Variants in GNAQ observed in about 807,000 individuals in gnomAD.
GNAQ encodes guanine nucleotide-binding protein G(q) subunit alpha.
In GNAQ, 8 loss-of-function variants were observed where a neutral mutation model predicts 43.9. The observed-to-expected ratio is 0.18, with a 90% confidence interval of 0.11 to 0.33. The LOEUF (loss-of-function observed/expected upper bound fraction) is 0.33, where lower values mean the gene tolerates loss of function less well. GNAQ is among the 10% of genes least tolerant of loss of function. GNAQ has a pLI of 1.00. For missense variants in GNAQ, 158 were observed against 450.8 expected (o/e 0.35, Z 5.88); for synonymous variants, 155 against 170.7 (o/e 0.91, Z 0.71).
intron 3 of GNAQ, among the ~76,000 whole-genome samples, chr9:77,800,779 G>A (rs973605297): frequency 1.3e-5 from 2 of 152,112 alleles, no homozygotes; most frequent in South Asian, 4.2e-4. Flanking sequence ...ACAAAAATCA[G>A]ATAGCTACTC....
In GNAQ at chr9:77,717,132, A is replaced by C; in HGVS notation, c.*4191T>G. On this transcript the variant is annotated 3_prime_UTR_variant, in exon 7 of 7. Coordinates refer to ENST00000286548, the MANE Select transcript of GNAQ (RefSeq NM_002072.5). ...ACCAGGACAGATCTATTAACGCTAC[A>C]TATGCTGGAAATATGTAGAGATAGA... 8.6e-6 allele frequency: 2 copies of C among 232,436 alleles called. No individual in the cohort carries two copies. The highest frequency in any genetic ancestry group is 1.7e-5 in the Non-Finnish European group (2 of 117,564). 14.4% of individuals were successfully genotyped at this position (232,436 alleles called of 1,614,324 possible).
At chr9:77,814,438 T>C (rs1331318737) in intron 3 of GNAQ, among the ~76,000 whole-genome samples, 2 of 152,144 alleles carry the variant, frequency 1.3e-5, no homozygotes, top group Non-Finnish European at 2.9e-5. Flanking sequence ...CTAGTTAAAA[T>C]ATTAAATACT....
chr9:77,946,045 T>C (rs1822889845), intron 1 of GNAQ, among the ~76,000 whole-genome samples: 1 of 152,164 alleles, frequency 6.6e-6, no homozygotes, highest in South Asian at 2.1e-4. Context: ...TAATCATTCC[T>C]GGAATAGTTC....
At chr9:77,785,692 A>G (rs775424060) in intron 5 of GNAQ, among the ~76,000 whole-genome samples, 3 of 152,252 alleles carry the variant, frequency 2.0e-5, no homozygotes, top group Non-Finnish European at 2.9e-5. Flanking sequence ...AGTATCTGAC[A>G]GTTCCTGTCA....
chr9:77,790,558 T>C (rs1041040267), intron 5 of GNAQ, among the ~76,000 whole-genome samples: 2 of 152,226 alleles, frequency 1.3e-5, no homozygotes, highest in African/African-American at 4.8e-5. Context: ...TGGTAAAGGA[T>C]CTCTGGCTGG....
chr9:77,868,774 A>G lies in GNAQ; in HGVS notation c.322-53004T>C, dbSNP rs1827989301. 2.0e-5 allele frequency among the ~76,000 whole-genome samples: 3 copies of G among 152,182 alleles called. 1 individual carries two copies. In the South Asian group the frequency reaches 6.2e-4, roughly 31 times the overall value. On this transcript the variant is annotated intron_variant, in intron 2 of 6. Transcript: ENST00000286548. ...CGGGCCACTGCACTCCAGCCTGGTG[A>G]CAGAGCGAGACTCCATCTCAAAACA...
At chr9:77,932,427 G>A (rs1037925015) in intron 1 of GNAQ, among the ~76,000 whole-genome samples, 12 of 152,188 alleles carry the variant, frequency 7.9e-5, no homozygotes, top group South Asian at 4.1e-4. Context: ...AGTGCTATGC[G>A]CTAAAGAATT....
At chr9:77,912,463 A>C (rs1428214406) in intron 2 of GNAQ, among the ~76,000 whole-genome samples, 1 of 152,236 alleles carries the variant, frequency 6.6e-6, no homozygotes, top group East Asian at 1.9e-4. Flanking sequence ...AAGAAAATCC[A>C]GCAAATTATC....
At chr9:77,762,142 C>T (rs1317229097) in intron 5 of GNAQ, among the ~76,000 whole-genome samples, 4 of 136,496 alleles carry the variant, frequency 2.9e-5, no homozygotes, top group Non-Finnish European at 3.2e-5. Flanking sequence ...GCCCCCTGCC[C>T]GGCCAGCCGC....
At chr9:77,931,594 CAA>C (rs933238882) in intron 1 of GNAQ, among the ~76,000 whole-genome samples, 2 of 129,774 alleles carry the variant, frequency 1.5e-5, no homozygotes, top group Non-Finnish European at 1.7e-5. Flanking sequence ...GACTCTGTCT[CAA>C]AAAAAAAAAA....
chr9:77,852,406 T>C (rs2117931241), intron 2 of GNAQ, among the ~76,000 whole-genome samples: 1 of 152,162 alleles, frequency 6.6e-6, no homozygotes, highest in Middle Eastern at 3.4e-3. Flanking sequence ...GGTGCTGGAG[T>C]ATAACTGTTC....
intron 1 of GNAQ, among the ~76,000 whole-genome samples, chr9:77,990,822 T>C (rs1823498651): frequency 6.6e-6 from 1 of 152,148 alleles, no homozygotes; most frequent in African/African-American, 2.4e-5. Flanking sequence ...AAATAGCAAT[T>C]TCTCCCTCTC....
chr9:77,928,950 G>C (rs935274722), intron 1 of GNAQ, among the ~76,000 whole-genome samples: 8 of 151,998 alleles, frequency 5.3e-5, no homozygotes, highest in Admixed American at 2.6e-4. Context: ...CCAGGGAGGC[G>C]GACATCACAG....
intron 2 of GNAQ, among the ~76,000 whole-genome samples, chr9:77,840,441 A>C (rs1216982779): frequency 4.0e-5 from 6 of 151,836 alleles, no homozygotes; most frequent in African/African-American, 1.5e-4. Context: ...GGTTCAAGCA[A>C]TTCTCCTGCC....
intron 2 of GNAQ, among the ~76,000 whole-genome samples, chr9:77,861,299 T>C (rs1444198303): frequency 6.6e-6 from 1 of 152,110 alleles, no homozygotes; most frequent in Non-Finnish European, 1.5e-5. Context: ...CCACAACACA[T>C]GGGAATTCAA....
Position 77,849,441 on chromosome 9 carries a change from G to C in GNAQ, c.322-33671C>G, listed in dbSNP as rs868541112. Among the ~76,000 whole-genome samples, 55 of 152,168 alleles carry C rather than the reference G, an allele frequency of 3.6e-4. 1 individual carries two copies. In the Middle Eastern group the frequency reaches 0.01, roughly 28 times the overall value. On this transcript the variant is annotated intron_variant, in intron 2 of 6. Coordinates refer to ENST00000286548, the MANE Select transcript of GNAQ (RefSeq NM_002072.5). ...AGGAGTTCAATGTGGAGCCATGTGG[G>C]GTCTACAACTAGAATGATGATTTAA...
rs149165401 is a variant in GNAQ, at chr9:77,846,929, G to A, written c.322-31159C>T. Among the ~76,000 whole-genome samples the A allele has an allele frequency of 2.6e-3, 401 of 152,262 alleles. 2 individuals are homozygous for A. Among genetic ancestry groups the A allele is most frequent in the African/African-American group, 9.2e-3 (383 of 41,558 alleles). On this transcript the variant is annotated intron_variant, in intron 2 of 6. Transcript: ENST00000286548. ...ACTTCACTGGGAGGGAACTCAGACAGGACTAGACTTTTGCCCCTGGGACCC... is the reference window on the plus strand; with the variant it reads ...ACTTCACTGGGAGGGAACTCAGACAAGACTAGACTTTTGCCCCTGGGACCC...
intron 5 of GNAQ, among the ~76,000 whole-genome samples, chr9:77,787,793 G>A (rs1284322013): frequency 5.3e-5 from 8 of 152,194 alleles, no homozygotes; most frequent in Non-Finnish European, 1.5e-5. Flanking sequence ...ACTTTGGGAG[G>A]CCGAGGCAGG....
At chr9:77,833,361 G>C (rs77567806) in intron 2 of GNAQ, among the ~76,000 whole-genome samples, 1,637 of 152,330 alleles carry the variant, frequency 0.011, 11 homozygotes, top group Non-Finnish European at 0.017. Context: ...TCCCTAAAGG[G>C]ACTCCCTTAG....
Sources: gnomAD v4.1 joint callset for allele counts (sites outside exome capture counted in the v4.1 genomes callset) on GRCh38, gnomAD v4.1.1 for gene constraint, MANE v1.5 for transcripts, NCBI Gene and HGNC (gene_info 2026-07-23, HGNC 2026-07-21) for gene names.